Variants in CYP46A1 observed in about 807,000 individuals in gnomAD.
CYP46A1 encodes the protein cytochrome P450 family 46 subfamily A member 1.
A neutral mutation model predicts 63.3 loss-of-function variants in CYP46A1; 20 were observed. That is an observed-to-expected ratio of 0.32 (90% CI 0.22 to 0.46). The LOEUF (loss-of-function observed/expected upper bound fraction) is 0.46, where lower values mean the gene tolerates loss of function less well. Among genes scored for constraint, CYP46A1 ranks in the 20% least tolerant of loss-of-function variants. The pLI, the probability that CYP46A1 is intolerant of heterozygous loss-of-function variation, is 1.00. For synonymous variants in CYP46A1, 268 were observed against 273.6 expected (o/e 0.98, Z 0.20); for missense variants, 445 against 670.8 (o/e 0.66, Z 3.72).
At chr14:99,685,029 C>T (rs1213803717) in intron 1 of CYP46A1, among the ~76,000 whole-genome samples, 1 of 149,940 alleles carries the variant, frequency 6.7e-6, no homozygotes, top group East Asian at 2.0e-4. Flanking sequence ...CTCCTTAGTA[C>T]TTACAATTGC....
At chr14:99,720,031 G>A (rs2056831041) in intron 10 of CYP46A1, among the ~76,000 whole-genome samples, 1 of 151,018 alleles carries the variant, frequency 6.6e-6, no homozygotes, top group Non-Finnish European at 1.5e-5. Context: ...CAAAGTGCTG[G>A]GATTACAGGC....
intron 10 of CYP46A1, among the ~76,000 whole-genome samples, chr14:99,720,437 T>C (rs974377249): frequency 5.3e-5 from 8 of 150,918 alleles, no homozygotes; most frequent in Admixed American, 1.3e-4. Context: ...TCCTAATGAG[T>C]ATGAAGTGGT....
At chr14:99,708,345 C>T (rs565740452) in intron 7 of CYP46A1, 8 of 158,508 alleles carry the variant, frequency 5.0e-5, no homozygotes, top group Non-Finnish European at 1.1e-4. Context: ...CTGAGAGGGC[C>T]TGAGGAGAGG....
At chr14:99,688,436 C>T (rs944935471) in intron 1 of CYP46A1, among the ~76,000 whole-genome samples, 1 of 152,066 alleles carries the variant, frequency 6.6e-6, no homozygotes, top group Admixed American at 6.5e-5. Context: ...AGGGAGCAGC[C>T]GGTGAGAGTT....
chr14:99,715,847 G>A lies in CYP46A1; in HGVS notation c.731G>A (p.Arg244Gln), dbSNP rs775557276. 13 of 1,614,072 alleles carry A rather than the reference G, an allele frequency of 8.1e-6. No individual in the cohort carries two copies. The highest frequency in any genetic ancestry group is 2.2e-5 in the East Asian group (1 of 44,864). Reference protein sequence around the residue: ...PGKRKQLREVRESIRFLRQVG... With the variant: ...PGKRKQLREVQESIRFLRQVG... ...AAGAGGAAGCAGCTCCGGGAGGTCCGGGAGAGCATTCGCTTCCTGCGCCAG... is the reference window on the plus strand; with the variant it reads ...AAGAGGAAGCAGCTCCGGGAGGTCCAGGAGAGCATTCGCTTCCTGCGCCAG... Residue 244 changes from arginine (R) to glutamine (Q), a missense_variant, in exon 8 of 15, where the codon CGG (arginine) becomes CAG (glutamine). Arg to Gln is a conservative substitution (Grantham distance 43). Around this residue, in one of 4 missense-constraint regions of CYP46A1, gnomAD observed 252 missense variants for 383.3 expected, o/e 0.66. Transcript: ENST00000261835.
rs981815403 is a variant in CYP46A1, at chr14:99,726,739, G to A, written c.*12G>A. 2 of 1,508,208 alleles carry A rather than the reference G, an allele frequency of 1.3e-6. No individual in the cohort carries two copies. The highest frequency in any genetic ancestry group is 2.5e-5 in the East Asian group (1 of 40,376). The allele number at this position is 1,508,208 out of a possible 1,614,324, so 93.4% of individuals were successfully genotyped here. A position where few individuals can be genotyped will look rare whatever the true frequency, so the allele number is the denominator to read the frequency against. On this transcript the variant is annotated 3_prime_UTR_variant, in exon 15 of 15. Transcript: ENST00000261835. Reference sequence around the variant, plus strand: ...CACCCCCCTGCTGAGGGGGCCTCCAGGCAGGACGAGACTCCTCGGGCAAGG... The same window carrying A: ...CACCCCCCTGCTGAGGGGGCCTCCAAGCAGGACGAGACTCCTCGGGCAAGG...
intron 7 of CYP46A1, chr14:99,710,030 A>G (rs540566146): frequency 6.6e-6 from 1 of 152,278 alleles, no homozygotes; most frequent in East Asian, 1.9e-4. Context: ...AACAAGCAAA[A>G]ACCGAGGTAA....
intron 5 of CYP46A1, among the ~76,000 whole-genome samples, chr14:99,705,212 C>G (rs1226641112): frequency 6.6e-6 from 1 of 152,172 alleles, no homozygotes; most frequent in Non-Finnish European, 1.5e-5. Flanking sequence ...CTCCCATTCT[C>G]TCTCTCTTTT....
intron 4 of CYP46A1, 66 bp from the exon 5 acceptor site, chr14:99,699,949 A>G: frequency 9.5e-7 from 1 of 1,058,168 alleles, no homozygotes; most frequent in Non-Finnish European, 1.4e-6. Context: ...TATGACCCCA[A>G]GCCCATCAAG....
intron 7 of CYP46A1, among the ~76,000 whole-genome samples, chr14:99,714,040 A>G (rs1227859152): frequency 2.6e-5 from 4 of 152,206 alleles, no homozygotes; most frequent in Non-Finnish European, 4.4e-5. Context: ...AGCAAAAAAA[A>G]GAAAAGCAAA....
At chr14:99,721,350 G>A in intron 11 of CYP46A1, 27 bp downstream of exon 11, 1 of 1,445,654 alleles carries the variant, frequency 6.9e-7, no homozygotes, top group Non-Finnish European at 9.7e-7. Context: ...GGAAGCTTCT[G>A]GGCGGATGTG....
chr14:99,692,848 A>G (rs1262361001), intron 3 of CYP46A1, among the ~76,000 whole-genome samples: 1 of 151,900 alleles, frequency 6.6e-6, no homozygotes, highest in Non-Finnish European at 1.5e-5. Context: ...AAAAAAAAAA[A>G]GAAGTGAAAT....
intron 14 of CYP46A1, 106 bp downstream of exon 14, chr14:99,726,362 G>GCTGGGCTGC: frequency 7.5e-7 from 1 of 1,333,314 alleles, no homozygotes; most frequent in South Asian, 1.4e-5. Flanking sequence ...CTGCTGGGCT[G>GCTGGGCTGC]TGGGCTCGGG....
At chr14:99,702,069 C>CAAA (rs71113217) in intron 5 of CYP46A1, among the ~76,000 whole-genome samples, 25 of 70,504 alleles carry the variant, frequency 3.5e-4, no homozygotes, top group East Asian at 1.4e-3. Context: ...GACTCCATCT[C>CAAA]AAAAAAAAAA....
At chr14:99,714,971 G>A (rs2056774814) in intron 7 of CYP46A1, among the ~76,000 whole-genome samples, 1 of 152,166 alleles carries the variant, frequency 6.6e-6, no homozygotes, top group Non-Finnish European at 1.5e-5. Context: ...TGGAGGTAAA[G>A]AGTATAATGA....
Position 99,726,335 on chromosome 14 carries a change from G to C in CYP46A1, c.1332+79G>C, listed in dbSNP as rs541891015. 141 of 1,487,908 alleles carry C rather than the reference G, an allele frequency of 9.5e-5. 1 individual carries two copies. The highest frequency in any genetic ancestry group is 1.2e-4 in the Non-Finnish European group (132 of 1,080,956). 92.2% of individuals were successfully genotyped at this position (1,487,908 alleles called of 1,614,324 possible). A position where few individuals can be genotyped will look rare whatever the true frequency, so the allele number is the denominator to read the frequency against. ...TCATCCTGAGCCGGGAAGCATCTCC[G>C]AACCCCTGCTCTGGGGCTGCTGGGC... On this transcript the variant is annotated intron_variant, in intron 14 of 14. Coordinates refer to ENST00000261835, the MANE Select transcript of CYP46A1 (RefSeq NM_006668.2).
chr14:99,726,178 C>G lies in CYP46A1; in HGVS notation c.1266-12C>G. ...GGGCTGCTGGCCTCGTGATTCCTCT[C>G]TTTCCCTGCAGGCCACGGTTCACCT... On this transcript the variant is annotated splice_polypyrimidine_tract_variant and intron_variant, in intron 13 of 14. Coordinates refer to ENST00000261835, the MANE Select transcript of CYP46A1 (RefSeq NM_006668.2). 6.2e-7 allele frequency: 1 copy of G among 1,613,734 alleles called. No individual in the cohort carries two copies.
intron 12 of CYP46A1, among the ~76,000 whole-genome samples, chr14:99,723,745 CTTGT>C (rs1251425971): frequency 6.6e-6 from 1 of 152,176 alleles, no homozygotes; most frequent in Non-Finnish European, 1.5e-5. Context: ...TTTGCTTTGT[CTTGT>C]TTAAGAAATC....
chr14:99,707,386 T>A (rs1454315493), intron 6 of CYP46A1, among the ~76,000 whole-genome samples, 182 bp from the exon 7 acceptor site: 1 of 152,234 alleles, frequency 6.6e-6, no homozygotes, highest in African/African-American at 2.4e-5. Flanking sequence ...TATGAGCTAC[T>A]TCATCCTCAT....
Sources: gnomAD v4.1 joint callset for allele counts (sites outside exome capture counted in the v4.1 genomes callset) on GRCh38, gnomAD v4.1.1 for gene constraint, gnomAD v4.1.1 regional missense constraint, MANE v1.5 for transcripts, NCBI Gene and HGNC (gene_info 2026-07-23, HGNC 2026-07-21) for gene names.